The following SDK1 variants were observed in gnomAD, a reference collection of about 807,000 sequenced individuals.
The protein encoded by SDK1 is sidekick cell adhesion molecule 1.
SDK1 carries 157 observed loss-of-function variants against 245.5 expected under a neutral mutation model. That is an observed-to-expected ratio of 0.64 (90% CI 0.56 to 0.73). The LOEUF is 0.73. SDK1 is among the 30% of genes least tolerant of loss of function. The pLI, the probability that SDK1 is intolerant of heterozygous loss-of-function variation, is 0.00. For synonymous variants in SDK1, 1,647 were observed against 1,278.5 expected, an observed-to-expected ratio of 1.29 and a Z score of -6.15; for missense variants, 3,583 against 3,002.3, an observed-to-expected ratio of 1.19 and a Z score of -4.52.
chr7:3,691,818 T>C (rs1264006671), intron 4 of SDK1, among the ~76,000 whole-genome samples: 1 of 152,154 alleles, frequency 6.6e-6, no homozygotes, highest in Non-Finnish European at 1.5e-5. Context: ...ATCTACTTAC[T>C]CATTCAGACA....
At chr7:3,441,084 A>G (rs1040305172) in intron 1 of SDK1, among the ~76,000 whole-genome samples, 5 of 152,210 alleles carry the variant, frequency 3.3e-5, no homozygotes, top group Admixed American at 1.3e-4. Flanking sequence ...GCATTGTACC[A>G]TGTCACATCA....
chr7:4,010,035 C>G (rs1159524518), intron 14 of SDK1, among the ~76,000 whole-genome samples: 1 of 152,240 alleles, frequency 6.6e-6, no homozygotes, highest in Non-Finnish European at 1.5e-5. Context: ...CCACCTCTTT[C>G]TGACCATCTC....
In SDK1 at chr7:4,012,080, G is replaced by A. The variant is rs769187816; in HGVS notation, c.2280-15G>A. ...GTACTCATCTCTCTTGTTCCTACCC[G>A]TCTTTTATTTATAGGTTGATGCTAC... On this transcript the variant is annotated splice_polypyrimidine_tract_variant and intron_variant, in intron 15 of 44. Transcript: ENST00000404826. 2.1e-5 allele frequency: 32 copies of A among 1,496,242 alleles called. No individual in the cohort carries two copies. Among genetic ancestry groups the A allele is most frequent in the Admixed American group, 9.6e-5 (4 of 41,746 alleles). The allele number at this position is 1,496,242 out of a possible 1,614,324, so 92.7% of individuals were successfully genotyped here. A position where few individuals can be genotyped will look rare whatever the true frequency, so the allele number is the denominator to read the frequency against.
intron 13 of SDK1, among the ~76,000 whole-genome samples, chr7:3,980,607 A>T (rs1783326459): frequency 6.6e-6 from 1 of 152,240 alleles, no homozygotes. Flanking sequence ...TTAGTCAAGG[A>T]TCTCACAAAG....
chr7:4,055,038 G>T (rs1015237361), intron 19 of SDK1, among the ~76,000 whole-genome samples: 1 of 152,176 alleles, frequency 6.6e-6, no homozygotes, highest in African/African-American at 2.4e-5. Context: ...GTTCATGAGA[G>T]ATATTAATCT....
chr7:3,607,151 C>CTT (rs555087966), intron 1 of SDK1, among the ~76,000 whole-genome samples: 2 of 145,546 alleles, frequency 1.4e-5, no homozygotes, highest in South Asian at 2.2e-4. Context: ...AAGGAAGGCC[C>CTT]TTTTTTTTTT....
intron 42 of SDK1, among the ~76,000 whole-genome samples, chr7:4,239,743 T>C (rs181098053): frequency 6.6e-6 from 1 of 152,322 alleles, no homozygotes; most frequent in East Asian, 1.9e-4. Flanking sequence ...TTCTGTGATA[T>C]CACCACAACC....
intron 1 of SDK1, among the ~76,000 whole-genome samples, chr7:3,536,446 A>T (rs1778890528): frequency 6.6e-6 from 1 of 152,112 alleles, no homozygotes; most frequent in South Asian, 2.1e-4. Context: ...GTGGAGGCCA[A>T]GGTGGGCAGA....
At chr7:3,431,864 G>A (rs1241895691) in intron 1 of SDK1, among the ~76,000 whole-genome samples, 1 of 145,876 alleles carries the variant, frequency 6.9e-6, no homozygotes, top group Non-Finnish European at 1.5e-5. Context: ...AATCAGGAGT[G>A]ATTTTTTTTT....
At chr7:3,437,579 C>T (rs565425679) in intron 1 of SDK1, among the ~76,000 whole-genome samples, 3 of 152,056 alleles carry the variant, frequency 2.0e-5, no homozygotes, top group South Asian at 4.2e-4. Context: ...TGAGATCAGC[C>T]TGGGCAACAG....
chr7:4,171,451 A>T (rs1046715861), intron 32 of SDK1, among the ~76,000 whole-genome samples: 2 of 152,200 alleles, frequency 1.3e-5, no homozygotes, highest in Non-Finnish European at 2.9e-5. Context: ...TCAGATTCTG[A>T]TTTAGCTGGG....
chr7:4,260,284 G>A (rs539937459), intron 44 of SDK1, among the ~76,000 whole-genome samples: 3 of 142,992 alleles, frequency 2.1e-5, no homozygotes, highest in East Asian at 2.1e-4. Flanking sequence ...GCCTCGGTGT[G>A]TGTGGGAAGA....
chr7:3,447,023 T>C (rs1440464768), intron 1 of SDK1, among the ~76,000 whole-genome samples: 1 of 152,154 alleles, frequency 6.6e-6, no homozygotes, highest in Non-Finnish European at 1.5e-5. Context: ...CAGTGGGCTT[T>C]AGGTTTCTAT....
At chr7:3,920,078 C>A (rs1173212002) in intron 5 of SDK1, among the ~76,000 whole-genome samples, 1 of 152,134 alleles carries the variant, frequency 6.6e-6, no homozygotes, top group Non-Finnish European at 1.5e-5. Flanking sequence ...GACGAAGCCA[C>A]GTGCAGGGGC....
At chr7:4,146,255 GAC>G (rs1491206833) in intron 29 of SDK1, among the ~76,000 whole-genome samples, 1 of 147,204 alleles carries the variant, frequency 6.8e-6, no homozygotes, top group Non-Finnish European at 1.5e-5. Flanking sequence ...AGCATTTCGT[GAC>G]ACACTTTCAG....
At chr7:4,001,652 G>T (rs1406652147) in intron 14 of SDK1, among the ~76,000 whole-genome samples, 1 of 152,206 alleles carries the variant, frequency 6.6e-6, no homozygotes, top group African/African-American at 2.4e-5. Flanking sequence ...GACCTTTATG[G>T]TTTCTCTAAA....
chr7:3,472,861 C>T (rs1294781928), intron 1 of SDK1, among the ~76,000 whole-genome samples: 1 of 152,164 alleles, frequency 6.6e-6, no homozygotes, highest in Non-Finnish European at 1.5e-5. Flanking sequence ...AGCATGAGAA[C>T]ATGGGGTAAC....
chr7:3,493,457 C>T (rs1483070467), intron 1 of SDK1, among the ~76,000 whole-genome samples: 2 of 152,192 alleles, frequency 1.3e-5, no homozygotes, highest in East Asian at 3.8e-4. Flanking sequence ...AATATTACTT[C>T]TAGTGTGGTG....
intron 44 of SDK1, among the ~76,000 whole-genome samples, chr7:4,261,872 C>G (rs1006694805): frequency 7.2e-5 from 11 of 151,914 alleles, no homozygotes; most frequent in African/African-American, 2.7e-4. Context: ...GGTGGATCCC[C>G]TAGGAGCCTG....
Sources: allele counts gnomAD v4.1 joint callset (sites outside exome capture counted in the v4.1 genomes callset), GRCh38; gene constraint gnomAD v4.1.1; transcripts MANE v1.5; gene names NCBI Gene and HGNC (gene_info 2026-07-23, HGNC 2026-07-21).